The following LMBR1 variants were observed in gnomAD, a reference collection of about 807,000 sequenced individuals.
LMBR1 encodes the protein limb development membrane protein 1.
A neutral mutation model predicts 73.9 loss-of-function variants in LMBR1; 52 were observed. The observed-to-expected ratio is 0.70, with a 90% CI of 0.56 to 0.89. The LOEUF is 0.89. LMBR1 is among the 40% of genes least tolerant of loss of function. LMBR1 has a pLI of 0.00. For synonymous variants in LMBR1, 215 were observed against 209.4 expected (o/e 1.03, Z -0.23); for missense variants, 539 against 579.8 (o/e 0.93, Z 0.72).
At chr7:156,699,620 C>T (rs1165133403) in intron 15 of LMBR1, among the ~76,000 whole-genome samples, 1 of 151,894 alleles carries the variant, frequency 6.6e-6, no homozygotes, top group Non-Finnish European at 1.5e-5. Flanking sequence ...GAACAGGCAA[C>T]CTACAGAATG....
intron 1 of LMBR1, among the ~76,000 whole-genome samples, chr7:156,867,581 A>T (rs527698803): frequency 6.6e-6 from 1 of 152,360 alleles, no homozygotes; most frequent in East Asian, 1.9e-4. Flanking sequence ...CCATAAAAAG[A>T]CAATGAAGTA....
At chr7:156,721,037 T>C (rs1585370418) in intron 15 of LMBR1, among the ~76,000 whole-genome samples, 1 of 152,018 alleles carries the variant, frequency 6.6e-6, no homozygotes. Flanking sequence ...TGTAAGATAA[T>C]AGACTATATG....
Position 156,814,692 on chromosome 7 carries a change from C to G in LMBR1, c.319+11913G>C, listed in dbSNP as rs184703232. Among the ~76,000 whole-genome samples, 3 of 152,354 alleles carry G rather than the reference C, an allele frequency of 2.0e-5. No individual in the cohort carries two copies. The East Asian group carries it at 5.8e-4, about 29-fold the overall frequency. ...TTACGTCTAACAGCCTGGATTTGCA[C>G]CTATCACAAATACGTGACCTTGAAG... On this transcript the variant is annotated intron_variant, in intron 4 of 16. Coordinates refer to ENST00000353442, the MANE Select transcript of LMBR1 (RefSeq NM_022458.4).
chr7:156,785,814 A>G (rs1307964145), intron 5 of LMBR1, among the ~76,000 whole-genome samples: 1 of 152,228 alleles, frequency 6.6e-6, no homozygotes, highest in East Asian at 1.9e-4. Flanking sequence ...TAAAGCTAAC[A>G]GGTAGAAGAG....
At chr7:156,736,717 A>T (rs1262863153) in intron 9 of LMBR1, 1 of 391,340 alleles carries the variant, frequency 2.6e-6, no homozygotes, top group African/African-American at 2.1e-5. Flanking sequence ...TTGATATTCA[A>T]TGTCTACATT....
At chr7:156,811,836 C>T (rs933776294) in intron 4 of LMBR1, among the ~76,000 whole-genome samples, 2 of 152,158 alleles carry the variant, frequency 1.3e-5, no homozygotes, top group Non-Finnish European at 2.9e-5. Context: ...GACTAGAAGT[C>T]TGAAATCAAG....
intron 4 of LMBR1, among the ~76,000 whole-genome samples, chr7:156,821,728 A>G (rs1834828093): frequency 6.6e-6 from 1 of 152,186 alleles, no homozygotes; most frequent in Admixed American, 6.5e-5. Flanking sequence ...AGATTTTAAT[A>G]ATTAAGTGGA....
At chr7:156,762,811 GA>G (rs1159432138) in intron 7 of LMBR1, among the ~76,000 whole-genome samples, 2 of 151,196 alleles carry the variant, frequency 1.3e-5, no homozygotes, top group African/African-American at 4.9e-5. Flanking sequence ...ATGTAAGTAT[GA>G]CTGTATATGA....
intron 15 of LMBR1, among the ~76,000 whole-genome samples, chr7:156,712,770 C>T (rs1812346214): frequency 2.0e-5 from 3 of 152,150 alleles, no homozygotes; most frequent in African/African-American, 4.8e-5. Context: ...AAGACAAATG[C>T]TGTATGTTCT....
intron 4 of LMBR1, among the ~76,000 whole-genome samples, chr7:156,824,161 A>T (rs10252508): frequency 2.6e-5 from 4 of 151,830 alleles, no homozygotes; most frequent in Admixed American, 6.6e-5. Flanking sequence ...CGCTGAAAAA[A>T]TGTGGAGTTT....
chr7:156,756,073 T>C (rs1358496844), intron 9 of LMBR1, among the ~76,000 whole-genome samples: 3 of 152,220 alleles, frequency 2.0e-5, no homozygotes, highest in African/African-American at 7.2e-5. Context: ...TCATTGGTTC[T>C]TCAAAAACCA....
chr7:156,707,584 G>A (rs78572901), intron 15 of LMBR1, among the ~76,000 whole-genome samples: 8,268 of 152,228 alleles, frequency 0.054, 306 homozygotes, highest in East Asian at 0.13. Flanking sequence ...CAGTAAATGT[G>A]ATATATCACA....
intron 4 of LMBR1, among the ~76,000 whole-genome samples, chr7:156,819,044 C>T (rs113636876): frequency 0.021 from 3,156 of 152,288 alleles, 95 homozygotes; most frequent in African/African-American, 0.072. Context: ...AGAGGATCAT[C>T]ATCAGGTCTC....
intron 5 of LMBR1, among the ~76,000 whole-genome samples, chr7:156,792,613 C>T (rs1829408720): frequency 6.6e-6 from 1 of 152,196 alleles, no homozygotes; most frequent in African/African-American, 2.4e-5. Context: ...AAGAGAGAAG[C>T]AAAGCTATTG....
At chr7:156,707,194 T>TA (rs558061346) in intron 15 of LMBR1, among the ~76,000 whole-genome samples, 486 of 151,188 alleles carry the variant, frequency 3.2e-3, no homozygotes, top group African/African-American at 0.011. Flanking sequence ...CGGGAAGAAA[T>TA]AAAAAACCCG....
chr7:156,871,232 G>C (rs1799243879), intron 1 of LMBR1, among the ~76,000 whole-genome samples: 1 of 152,054 alleles, frequency 6.6e-6, no homozygotes, highest in African/African-American at 2.4e-5. Context: ...CTACCAACAA[G>C]ACTAAATCAT....
intron 9 of LMBR1, among the ~76,000 whole-genome samples, chr7:156,736,086 A>C (rs912084777): frequency 2.0e-5 from 3 of 152,174 alleles, no homozygotes; most frequent in Non-Finnish European, 4.4e-5. Flanking sequence ...TCTGTATGTC[A>C]CTATGAGGAA....
rs1819469717 is a variant in LMBR1, at chr7:156,744,350, T to C, written c.758-10093A>G. On this transcript the variant is annotated intron_variant, in intron 9 of 16. Transcript: ENST00000353442. ...TGTGAAAGTTTGTAAGGGCTTTTTT[T>C]TTTTTCCATTGTTCTTGGAATTCAG... is the stretch of plus-strand genomic sequence containing the variant. Among the ~76,000 whole-genome samples the C allele has an allele frequency of 2.6e-5, 4 of 152,254 alleles. No homozygotes were observed. In the South Asian group the frequency reaches 6.2e-4, roughly 24 times the overall value.
chr7:156,759,806 C>G (rs541039398), intron 8 of LMBR1, among the ~76,000 whole-genome samples: 196 of 152,258 alleles, frequency 1.3e-3, no homozygotes, highest in African/African-American at 4.2e-3. Context: ...GAGAGCACAC[C>G]TGCACAGGGG....
Sources: allele counts gnomAD v4.1 joint callset (sites outside exome capture counted in the v4.1 genomes callset), GRCh38; gene constraint gnomAD v4.1.1; transcripts MANE v1.5; gene names NCBI Gene and HGNC (gene_info 2026-07-23, HGNC 2026-07-21).